Variants in RBM47 observed in about 807,000 individuals in gnomAD.
The protein encoded by RBM47 is RNA-binding protein 47.
RBM47 carries 21 observed loss-of-function variants against 47.1 expected under a neutral mutation model. The ratio of observed to expected loss-of-function variants is 0.45; its 90% CI spans 0.32 to 0.64. The LOEUF is 0.64. Among genes scored for constraint, RBM47 ranks in the 30% least tolerant of loss-of-function variants. The pLI is 0.05. For synonymous variants in RBM47, 375 were observed against 361.7 expected, an observed-to-expected ratio of 1.04 and a Z score of -0.42; for missense variants, 708 against 870.9, an observed-to-expected ratio of 0.81 and a Z score of 2.35.
At chr4:40,453,997 G>C (rs1385364943) in intron 3 of RBM47, among the ~76,000 whole-genome samples, 1 of 152,026 alleles carries the variant, frequency 6.6e-6, no homozygotes, top group African/African-American at 2.4e-5. Context: ...TTTAAATGTG[G>C]GCTCTAGAGT....
intron 2 of RBM47, among the ~76,000 whole-genome samples, chr4:40,502,671 G>A (rs901115126): frequency 6.6e-5 from 10 of 151,856 alleles, no homozygotes; most frequent in African/African-American, 2.4e-4. Flanking sequence ...ATGGGGAAAC[G>A]CCATCTTTAC....
chr4:40,464,251 CG>C (rs944061971), intron 3 of RBM47, among the ~76,000 whole-genome samples: 24 of 152,278 alleles, frequency 1.6e-4, no homozygotes, highest in African/African-American at 5.8e-4. Flanking sequence ...TAAAGATATG[CG>C]GTAGTCCCCC....
intron 3 of RBM47, among the ~76,000 whole-genome samples, chr4:40,443,717 C>CAAAAAAAAAAAAAAAAAAAAAAAAA (rs10581870): frequency 2.1e-5 from 1 of 47,720 alleles, no homozygotes; most frequent in African/African-American, 8.4e-5. Context: ...AACTCCTTCT[C>CAAAAAAAAAAAAAAAAAAAAAAAAA]AAAAAAAAAA....
chr4:40,614,228 T>A (rs1359670044), intron 1 of RBM47, among the ~76,000 whole-genome samples: 2 of 151,840 alleles, frequency 1.3e-5, no homozygotes, highest in African/African-American at 2.4e-5. Flanking sequence ...CAAGTAACCA[T>A]CCCCCATCCA....
At chr4:40,444,549 CT>C (rs984167796) in intron 3 of RBM47, among the ~76,000 whole-genome samples, 1 of 152,166 alleles carries the variant, frequency 6.6e-6, no homozygotes, top group African/African-American at 2.4e-5. Context: ...CTGTTGACCC[CT>C]GGTCTAGGAG....
At chr4:40,593,820 C>T (rs1311560316) in intron 1 of RBM47, among the ~76,000 whole-genome samples, 2 of 149,736 alleles carry the variant, frequency 1.3e-5, no homozygotes, top group African/African-American at 4.9e-5. Context: ...GGAGGCAGAG[C>T]TTGCAGTGAG....
At chr4:40,429,685 T>A (rs1345160093) in intron 6 of RBM47, among the ~76,000 whole-genome samples, 1 of 64,224 alleles carries the variant, frequency 1.6e-5, no homozygotes, top group Admixed American at 2.4e-4. Context: ...TGAGACTCCA[T>A]CTCAAAAAAA....
At chr4:40,433,611 C>T (rs1341803376) in intron 5 of RBM47, among the ~76,000 whole-genome samples, 1 of 152,190 alleles carries the variant, frequency 6.6e-6, no homozygotes, top group Non-Finnish European at 1.5e-5. Context: ...CTACTCACCT[C>T]ACTCATTACC....
At chr4:40,430,561 C>T (rs1221713903) in intron 6 of RBM47, among the ~76,000 whole-genome samples, 3 of 152,196 alleles carry the variant, frequency 2.0e-5, no homozygotes, top group African/African-American at 7.2e-5. Flanking sequence ...TTAAAGAATA[C>T]TTAATGACAT....
intron 1 of RBM47, among the ~76,000 whole-genome samples, chr4:40,569,958 C>T (rs982186800): frequency 2.0e-5 from 3 of 151,940 alleles, no homozygotes; most frequent in African/African-American, 2.4e-5. Context: ...GTGATCCACC[C>T]GCCTTGGCCT....
At chr4:40,426,629 C>A (rs758438248) in intron 6 of RBM47, among the ~76,000 whole-genome samples, 19 of 152,282 alleles carry the variant, frequency 1.2e-4, no homozygotes, top group Non-Finnish European at 2.1e-4. Context: ...CCTGTCTCAG[C>A]CTCCCAAAGT....
chr4:40,468,928 G>A (rs1326016248), intron 2 of RBM47, among the ~76,000 whole-genome samples: 1 of 152,184 alleles, frequency 6.6e-6, no homozygotes, highest in African/African-American at 2.4e-5. Context: ...GTACAAGAAG[G>A]TGTGTCTTGA....
intron 3 of RBM47, among the ~76,000 whole-genome samples, chr4:40,458,326 C>T (rs1188269763): frequency 2.6e-5 from 4 of 152,098 alleles, no homozygotes; most frequent in African/African-American, 9.7e-5. Context: ...ATTTGGTGAA[C>T]ATTAGTCATT....
intron 1 of RBM47, among the ~76,000 whole-genome samples, chr4:40,627,143 T>G (rs1737817861): frequency 6.6e-6 from 1 of 152,192 alleles, no homozygotes; most frequent in Admixed American, 6.5e-5. Context: ...ATATATCTCC[T>G]AATCAGGCCA....
chr4:40,602,073 C>A (rs1020432613), intron 1 of RBM47, among the ~76,000 whole-genome samples: 1 of 151,944 alleles, frequency 6.6e-6, no homozygotes, highest in African/African-American at 2.4e-5. Flanking sequence ...GGGGCTGAGG[C>A]AGGAGAATCG....
At chr4:40,613,176 T>A (rs975232607) in intron 1 of RBM47, among the ~76,000 whole-genome samples, 7 of 152,204 alleles carry the variant, frequency 4.6e-5, no homozygotes, top group Admixed American at 4.6e-4. Context: ...GATTTTTATT[T>A]TTTTTGCTTT....
intron 3 of RBM47, among the ~76,000 whole-genome samples, chr4:40,443,276 T>A (rs576182487): frequency 6.6e-6 from 1 of 152,186 alleles, no homozygotes; most frequent in South Asian, 2.1e-4. Flanking sequence ...TTCCTGCCAA[T>A]GAACCATACA....
chr4:40,438,509 G>A lies in RBM47; in HGVS notation c.385C>T (p.Arg129Cys), dbSNP rs1417308208. The change falls in exon 4 of 7, where the codon CGT (arginine) becomes TGT (cysteine). Residue 129 changes from arginine (R) to cysteine (C), a missense_variant. Physicochemically the swap from Arg to Cys is radical, Grantham distance 180. Transcript: ENST00000295971. ...CGGATCTCGTAGTTGTTGAGCTCAC[G>A]CACTGCGCGCTTGGCCTCGTGCTTG... ...CHKHEAKRAV[R>C]ELNNYEIRPG... 1.2e-5 allele frequency: 19 copies of A among 1,613,594 alleles called. No individual in the cohort carries two copies. Among genetic ancestry groups the A allele is most frequent in the African/African-American group, 5.3e-5 (4 of 74,938 alleles).
At chr4:40,569,556 C>T (rs1444435491) in intron 1 of RBM47, among the ~76,000 whole-genome samples, 1 of 148,204 alleles carries the variant, frequency 6.7e-6, no homozygotes, top group Non-Finnish European at 1.5e-5. Context: ...ACTACAGGCG[C>T]CCACCACCAC....
Sources: gnomAD v4.1 joint callset for allele counts (sites outside exome capture counted in the v4.1 genomes callset) on GRCh38, gnomAD v4.1.1 for gene constraint, MANE v1.5 for transcripts, NCBI Gene and HGNC (gene_info 2026-07-23, HGNC 2026-07-21) for gene names.